The following FGD4 variants were observed in gnomAD, a reference collection of about 807,000 sequenced individuals.
FGD4 encodes the protein FYVE, RhoGEF and PH domain containing 4.
A neutral mutation model predicts 102.0 loss-of-function variants in FGD4; 42 were observed. The observed-to-expected ratio is 0.41, with a 90% CI of 0.32 to 0.53. The LOEUF is 0.53. FGD4 is among the 20% of genes least tolerant of loss of function. The pLI, the probability that FGD4 is intolerant of heterozygous loss-of-function variation, is 0.21. For synonymous variants in FGD4, 380 were observed against 375.7 expected, an observed-to-expected ratio of 1.01 and a Z score of -0.13; for missense variants, 902 against 1,078.2, an observed-to-expected ratio of 0.84 and a Z score of 2.29.
chr12:32,516,816 GGTA>G (rs1439414301), intron 1 of FGD4, among the ~76,000 whole-genome samples: 5 of 152,104 alleles, frequency 3.3e-5, no homozygotes, highest in African/African-American at 9.7e-5. Flanking sequence ...GATCTATGAA[GGTA>G]CCAAAAGTTT....
In FGD4 at chr12:32,564,259, A is replaced by G; in HGVS notation, c.289A>G (p.Lys97Glu). ...GGGAATAAATGGGAACAGGCCAGCA[A>G]AACACTCAGCTGCAAGTCCAAAGCC... ...AQGINGNRPA[K>E]HSAASPKPQV... Residue 97 changes from lysine (K) to glutamate (E), a missense_variant, in exon 2 of 17, where the codon AAA becomes GAA. Around this residue, in one of 2 missense-constraint regions of FGD4, gnomAD observed 443 missense variants for 459.2 expected, o/e 0.96. Coordinates refer to ENST00000534526, the MANE Select transcript of FGD4 (RefSeq NM_001370298.3). 7 of 1,536,080 alleles carry G rather than the reference A, an allele frequency of 4.6e-6. No individual in the cohort carries two copies. The highest frequency in any genetic ancestry group is 6.1e-6 in the Non-Finnish European group (7 of 1,146,882).
chr12:32,626,620 C>T (rs75334333), intron 14 of FGD4, among the ~76,000 whole-genome samples: 2,087 of 151,922 alleles, frequency 0.014, 34 homozygotes, highest in Non-Finnish European at 0.015. Context: ...AGAGGAGGAA[C>T]GTTAGATAAA....
intron 1 of FGD4, among the ~76,000 whole-genome samples, chr12:32,515,378 G>A (rs1262442985): frequency 6.6e-6 from 1 of 152,162 alleles, no homozygotes; most frequent in Non-Finnish European, 1.5e-5. Context: ...TCATTGTTGT[G>A]CTCCCAGATG....
Position 32,598,427 on chromosome 12 carries a change from A to C in FGD4, c.1012-70A>C. ...CTGTTTTGATCAAATCATTTGAAGA[A>C]GCGTTTTTTACTTTAGAAATATTGT... On this transcript the variant is annotated intron_variant, in intron 4 of 16. Transcript: ENST00000534526. 4 of 1,050,490 alleles carry C rather than the reference A, an allele frequency of 3.8e-6. No individual in the cohort carries two copies. The South Asian group carries it at 4.3e-5, about 11-fold the overall frequency. 65.1% of individuals were successfully genotyped at this position (1,050,490 alleles called of 1,614,324 possible).
At chr12:32,436,977 C>T (rs987832925) in intron 1 of FGD4, among the ~76,000 whole-genome samples, 18 of 151,990 alleles carry the variant, frequency 1.2e-4, no homozygotes, top group Admixed American at 1.0e-3. Flanking sequence ...GGCATGGTGG[C>T]GGGCGCCTGT....
At chr12:32,611,041 C>G in intron 9 of FGD4, 96 bp from the exon 10 acceptor site, 5 of 1,457,206 alleles carry the variant, frequency 3.4e-6, no homozygotes, top group Non-Finnish European at 4.8e-6. Flanking sequence ...TACTCCTAAT[C>G]CCTTCTAAAT....
chr12:32,640,570 G>A lies in FGD4; in HGVS notation c.*37G>A. 6.2e-7 allele frequency: 1 copy of A among 1,612,526 alleles called. No homozygotes were observed. The highest frequency in any genetic ancestry group is 8.5e-7 in the Non-Finnish European group (1 of 1,179,970). On this transcript the variant is annotated 3_prime_UTR_variant, in exon 17 of 17. Transcript: ENST00000534526. ...ACCAGCCATGGTGTGGAGGTCTCAG[G>A]ACTTACAGCTCAAGACATTCCCAGC... is the stretch of plus-strand genomic sequence containing the variant.
At chr12:32,441,943 T>C (rs1942447194) in intron 1 of FGD4, among the ~76,000 whole-genome samples, 1 of 152,036 alleles carries the variant, frequency 6.6e-6, no homozygotes, top group Non-Finnish European at 1.5e-5. Flanking sequence ...TGCCTCAAAA[T>C]TGTTGTCTTC....
intron 1 of FGD4, among the ~76,000 whole-genome samples, chr12:32,512,494 A>T (rs575603295): frequency 6.6e-6 from 1 of 151,838 alleles, no homozygotes; most frequent in South Asian, 2.1e-4. Flanking sequence ...GAGCTCATTT[A>T]GTCTCAGCCT....
Position 32,399,883 on chromosome 12 carries a change from C to T in FGD4, c.90C>T (p.Pro30=). The T allele has an allele frequency of 3.9e-6, 6 of 1,530,854 alleles. No homozygotes were observed. The highest frequency in any genetic ancestry group is 5.2e-6 in the Non-Finnish European group (6 of 1,145,006). The allele number at this position is 1,530,854 out of a possible 1,614,324, so 94.8% of individuals were successfully genotyped here. ...PSYLPPGVPR[P]WSRPASHLGR... is the part of the protein sequence containing the mutation. ...ACCTGCCGCCCGGGGTGCCCCGGCCCTGGAGCAGGCCCGCGTCGCACCTGG... is the reference window on the plus strand; with the variant it reads ...ACCTGCCGCCCGGGGTGCCCCGGCCTTGGAGCAGGCCCGCGTCGCACCTGG... Residue 30 remains proline (P), a synonymous_variant, in exon 1 of 17, where the codon CCC becomes CCT. Transcript: ENST00000534526.
intron 1 of FGD4, among the ~76,000 whole-genome samples, chr12:32,446,454 C>T (rs1038560887): frequency 6.6e-6 from 1 of 152,016 alleles, no homozygotes; most frequent in Non-Finnish European, 1.5e-5. Flanking sequence ...TACACACGGT[C>T]GAGGGGTACT....
At chr12:32,608,215 T>C in intron 8 of FGD4, 120 bp downstream of exon 8, 6 of 1,375,034 alleles carry the variant, frequency 4.4e-6, no homozygotes, top group Non-Finnish European at 6.1e-6. Context: ...TGTTAGAAGA[T>C]AATTTCATTG....
intron 1 of FGD4, among the ~76,000 whole-genome samples, chr12:32,437,108 C>CAAAAAAAAA (rs5797478): frequency 1.0e-3 from 109 of 107,962 alleles, no homozygotes; most frequent in Non-Finnish European, 1.9e-3. Flanking sequence ...GACTCCATGT[C>CAAAAAAAAA]AAAAAAAAAA....
chr12:32,552,697 G>A (rs1943779689), intron 1 of FGD4, among the ~76,000 whole-genome samples: 1 of 152,008 alleles, frequency 6.6e-6, no homozygotes, highest in African/African-American at 2.4e-5. Flanking sequence ...GCAGTGGTAA[G>A]TTCAGTCTCT....
chr12:32,468,471 T>C (rs1943329068), intron 1 of FGD4, among the ~76,000 whole-genome samples: 1 of 152,196 alleles, frequency 6.6e-6, no homozygotes, highest in African/African-American at 2.4e-5. Context: ...GCATGAATAT[T>C]GAAAACATTG....
intron 1 of FGD4, among the ~76,000 whole-genome samples, chr12:32,488,974 AT>A (rs1944003237): frequency 6.6e-6 from 1 of 152,166 alleles, no homozygotes; most frequent in Non-Finnish European, 1.5e-5. Flanking sequence ...CAGAACCTAT[AT>A]TTTATTCTCT....
At chr12:32,547,782 C>CT (rs1943342897) in intron 1 of FGD4, among the ~76,000 whole-genome samples, 1 of 152,244 alleles carries the variant, frequency 6.6e-6, no homozygotes, top group African/African-American at 2.4e-5. Flanking sequence ...TCTCTGCTCA[C>CT]TACAATCTCC....
chr12:32,561,069 G>GTTTTTTTTTTTTTTTTTT (rs1565841408), intron 1 of FGD4, among the ~76,000 whole-genome samples: 3 of 91,998 alleles, frequency 3.3e-5, no homozygotes, highest in African/African-American at 3.9e-5. Context: ...TTCTTTGTTG[G>GTTTTTTTTTTTTTTTTTT]GTTTTGTTTT....
intron 1 of FGD4, among the ~76,000 whole-genome samples, chr12:32,543,874 G>A (rs1046034669): frequency 1.6e-4 from 24 of 152,010 alleles, no homozygotes; most frequent in South Asian, 4.2e-4. Flanking sequence ...TGATCCGCCC[G>A]CCTCGGCCTC....
Sources: allele counts gnomAD v4.1 joint callset (sites outside exome capture counted in the v4.1 genomes callset), GRCh38; gene constraint gnomAD v4.1.1; regional missense constraint gnomAD v4.1.1; transcripts MANE v1.5; gene names NCBI Gene and HGNC (gene_info 2026-07-23, HGNC 2026-07-21).